The following INO80 variants were observed in gnomAD, a reference collection of about 807,000 sequenced individuals.
INO80 encodes the protein chromatin-remodeling ATPase INO80.
In INO80, 20 loss-of-function variants were observed where a neutral mutation model predicts 203.4. The ratio of observed to expected loss-of-function variants is 0.10; its 90% CI spans 0.07 to 0.14. The LOEUF (loss-of-function observed/expected upper bound fraction) is 0.14, where lower values mean the gene tolerates loss of function less well. INO80 is among the 10% of genes least tolerant of loss of function. The probability of loss-of-function intolerance (pLI) is 1.00; values close to 1 mark genes in which losing one functional copy is unlikely to be tolerated. For missense variants in INO80, 1,419 were observed against 1,914.4 expected (o/e 0.74, Z 4.83); for synonymous variants, 726 against 685.2 (o/e 1.06, Z -0.93).
chr15:41,032,012 GCACA>G (rs2044489266), intron 24 of INO80, among the ~76,000 whole-genome samples: 2 of 55,138 alleles, frequency 3.6e-5, no homozygotes, highest in African/African-American at 1.2e-4. Context: ...GCACAGCACA[GCACA>G]GCACAGCACA....
At chr15:40,983,972 T>G (rs375775631) in intron 33 of INO80, 51 bp from the exon 34 acceptor site, 1 of 1,586,840 alleles carries the variant, frequency 6.3e-7, no homozygotes, top group Non-Finnish European at 8.6e-7. Flanking sequence ...TCACCGCCCA[T>G]GGCCTTGCAC....
At chr15:41,076,335 G>A (rs952339956) in intron 9 of INO80, among the ~76,000 whole-genome samples, 3 of 151,950 alleles carry the variant, frequency 2.0e-5, no homozygotes, top group Admixed American at 6.6e-5. Context: ...ACTTCAGACT[G>A]GGTAACAGAG....
At chr15:41,082,021 G>A (rs547057139) in intron 7 of INO80, among the ~76,000 whole-genome samples, 161 of 151,694 alleles carry the variant, frequency 1.1e-3, no homozygotes, top group Middle Eastern at 0.01. Flanking sequence ...AGGCCGAGGC[G>A]GGTGGATCAC....
At chr15:41,110,662 C>T (rs760883922) in intron 1 of INO80, among the ~76,000 whole-genome samples, 4 of 152,174 alleles carry the variant, frequency 2.6e-5, no homozygotes, top group South Asian at 2.1e-4. Flanking sequence ...AACTCCTAGA[C>T]TCAAGTGATT....
rs777246438 is a variant in INO80 at position 40,987,112 on chromosome 15, C to T, written c.3811G>A (p.Asp1271Asn). The T allele has an allele frequency of 3.1e-6, 5 of 1,608,920 alleles. No homozygotes were observed. The highest frequency in any genetic ancestry group is 2.7e-5 in the African/African-American group (2 of 74,772). Residue 1271 changes from aspartate (D) to asparagine (N), a missense_variant, in exon 31 of 36, where the codon GAC (aspartate) becomes AAC (asparagine). Transcript: ENST00000648947. ...ATACGTTTCTTCTCCAACTCTTCGT[C>T]GTCTAGAAGAAGACTAACCACCTCT... ...PKEVVSLLLD[D>N]EELEKKLRLR...
At chr15:41,016,451 G>C (rs190335548) in intron 26 of INO80, among the ~76,000 whole-genome samples, 27 of 152,212 alleles carry the variant, frequency 1.8e-4, no homozygotes, top group Non-Finnish European at 3.5e-4. Context: ...CTCCCAATCA[G>C]ACATGTGCTC....
rs780079744 is a variant in INO80 at position 40,987,964 on chromosome 15, T to C, written c.3581A>G (p.Tyr1194Cys). ...CACAGTGGGGTTCCAGTCGCTATCATAGAAAATCACCTGCATAGAATATAG... is the reference window on the plus strand; with the variant it reads ...CACAGTGGGGTTCCAGTCGCTATCACAGAAAATCACCTGCATAGAATATAG... ...NLTAADTVIF[Y>C]DSDWNPTVDQ... Residue 1194 changes from tyrosine to cysteine, a missense_variant, in exon 30 of 36, where the codon TAT becomes TGT. By Grantham distance (194) the Tyr-to-Cys change is radical (BLOSUM62 -2). Coordinates refer to ENST00000648947, the MANE Select transcript of INO80 (RefSeq NM_017553.3). 5.6e-6 allele frequency: 9 copies of C among 1,613,314 alleles called. No homozygotes were observed. The highest frequency in any genetic ancestry group is 2.2e-5 in the East Asian group (1 of 44,878).
chr15:41,097,994 GTTTT>G (rs1159526075), intron 1 of INO80, among the ~76,000 whole-genome samples: 1 of 152,038 alleles, frequency 6.6e-6, no homozygotes. Context: ...GAAATGATAA[GTTTT>G]TTTGTTTATT....
chr15:41,114,898 A>G (rs569772115), intron 1 of INO80, among the ~76,000 whole-genome samples: 1 of 152,288 alleles, frequency 6.6e-6, no homozygotes, highest in African/African-American at 2.4e-5. Flanking sequence ...AGTGACTGCT[A>G]AATGGCTTCT....
At chr15:41,091,987 G>A (rs200307248) in intron 5 of INO80, 40 bp downstream of exon 5, 779 of 1,541,368 alleles carry the variant, frequency 5.1e-4, no homozygotes, top group Non-Finnish European at 6.7e-4. Context: ...AAAGCAGAGG[G>A]TGAATATTCA....
chr15:41,023,444 A>G (rs2044325930), intron 25 of INO80: 1 of 410,654 alleles, frequency 2.4e-6, no homozygotes, highest in South Asian at 1.7e-5. Context: ...AACAGCATGC[A>G]TACTCTTAGA....
intron 1 of INO80, among the ~76,000 whole-genome samples, chr15:41,099,264 A>C (rs575729183): frequency 0.025 from 3,181 of 128,040 alleles, 136 homozygotes; most frequent in African/African-American, 0.085. Flanking sequence ...AAAAAAAAAA[A>C]AAACAAACAC....
At chr15:41,039,389 T>G (rs914219928) in intron 24 of INO80, among the ~76,000 whole-genome samples, 29 of 152,230 alleles carry the variant, frequency 1.9e-4, no homozygotes, top group Non-Finnish European at 4.0e-4. Context: ...ATTTAAAGTC[T>G]TATCTTGAAC....
At chr15:41,061,725 G>T (rs958314814) in intron 14 of INO80, among the ~76,000 whole-genome samples, 4 of 152,084 alleles carry the variant, frequency 2.6e-5, no homozygotes, top group Admixed American at 1.3e-4. Context: ...TCAATGGTAT[G>T]CTATAAATTA....
intron 4 of INO80, 29 bp downstream of exon 4, chr15:41,095,572 C>T (rs1401272836): frequency 6.6e-7 from 1 of 1,513,226 alleles, no homozygotes; most frequent in Non-Finnish European, 9.2e-7. Flanking sequence ...AGACTATCTG[C>T]ACTGTAAACA....
At chr15:41,063,555 C>T (rs942899456) in intron 14 of INO80, among the ~76,000 whole-genome samples, 1 of 152,100 alleles carries the variant, frequency 6.6e-6, no homozygotes, top group Non-Finnish European at 1.5e-5. Flanking sequence ...AGGCGGATCA[C>T]TTGAGGTCAG....
intron 29 of INO80, among the ~76,000 whole-genome samples, chr15:40,996,376 G>T (rs1566903778): frequency 6.6e-6 from 1 of 152,150 alleles, no homozygotes; most frequent in African/African-American, 2.4e-5. Flanking sequence ...AGAGTGGAGT[G>T]CAGTGGCATG....
chr15:41,048,335 T>A, intron 21 of INO80, 59 bp from the exon 22 acceptor site: 1 of 1,257,146 alleles, frequency 8.0e-7, no homozygotes, highest in South Asian at 1.2e-5. Context: ...GAAAGTTAAC[T>A]AGACTAGAGG....
chr15:41,040,846 T>C (rs2044654905), intron 24 of INO80, among the ~76,000 whole-genome samples: 1 of 151,722 alleles, frequency 6.6e-6, no homozygotes, highest in Non-Finnish European at 1.5e-5. Context: ...TAGAAGATAT[T>C]TGTAATATAC....
Sources: allele counts gnomAD v4.1 joint callset (sites outside exome capture counted in the v4.1 genomes callset), GRCh38; gene constraint gnomAD v4.1.1; transcripts MANE v1.5; gene names NCBI Gene and HGNC (gene_info 2026-07-23, HGNC 2026-07-21).